Variants in NRG1 observed in about 807,000 individuals in gnomAD.
NRG1 encodes pro-neuregulin-1, membrane-bound isoform.
NRG1 carries 18 observed loss-of-function variants against 63.8 expected under a neutral mutation model. That is an observed-to-expected ratio of 0.28 (90% CI 0.19 to 0.42). NRG1 has a LOEUF of 0.42. Ranked by LOEUF, NRG1 falls within the 10% of genes least tolerant of loss-of-function variation. The pLI is 1.00. For synonymous variants in NRG1, 302 were observed against 301.3 expected (o/e 1.00, Z -0.02); for missense variants, 762 against 814.7 (o/e 0.94, Z 0.79).
intron 1 of NRG1, among the ~76,000 whole-genome samples, chr8:32,001,401 C>T (rs1435142102): frequency 6.6e-6 from 1 of 152,010 alleles, no homozygotes; most frequent in Non-Finnish European, 1.5e-5. Context: ...CCCCCTTTGC[C>T]TTCTGCCATG....
intron 1 of NRG1, among the ~76,000 whole-genome samples, chr8:32,191,390 A>C (rs576470665): frequency 6.6e-6 from 1 of 152,250 alleles, no homozygotes; most frequent in East Asian, 1.9e-4. Context: ...CAAAGTTATT[A>C]GATCTTCTGT....
At chr8:31,692,563 T>A (rs1473380325) in intron 1 of NRG1, among the ~76,000 whole-genome samples, 1 of 152,168 alleles carries the variant, frequency 6.6e-6, no homozygotes, top group Non-Finnish European at 1.5e-5. Flanking sequence ...GAGAAGAATT[T>A]ATAAAAGAAT....
intron 1 of NRG1, among the ~76,000 whole-genome samples, chr8:32,529,359 C>T (rs1831209192): frequency 1.3e-5 from 2 of 151,658 alleles, no homozygotes; most frequent in Non-Finnish European, 2.9e-5. Flanking sequence ...CCGTGAAGGC[C>T]CAGGACATTA....
chr8:32,297,626 GAGTACAGCCA>G (rs1855048833), intron 1 of NRG1, among the ~76,000 whole-genome samples: 2 of 152,144 alleles, frequency 1.3e-5, no homozygotes, highest in Non-Finnish European at 2.9e-5. Context: ...TATCTTAGTT[GAGTACAGCCA>G]AGTACAAACC....
At chr8:32,051,229 A>G (rs191195717) in intron 1 of NRG1, among the ~76,000 whole-genome samples, 1 of 152,272 alleles carries the variant, frequency 6.6e-6, no homozygotes, top group East Asian at 1.9e-4. Flanking sequence ...TATTTAAAAT[A>G]CGTCTTGACT....
intron 1 of NRG1, among the ~76,000 whole-genome samples, chr8:31,930,839 C>T (rs946031290): frequency 6.6e-6 from 1 of 152,132 alleles, no homozygotes; most frequent in Admixed American, 6.5e-5. Context: ...AATGAAGAAT[C>T]ATCTGTAGCA....
intron 1 of NRG1, among the ~76,000 whole-genome samples, chr8:32,468,974 GGCAGAGTTTATCCTTCCACTA>G (rs570277909): frequency 3.3e-5 from 5 of 152,238 alleles, no homozygotes; most frequent in African/African-American, 1.2e-4. Context: ...GAATAATGAA[GGCAGAGTTTATCCTTCCACTA>G]GCACAGCAGT....
chr8:32,157,136 C>A (rs1838188359), intron 1 of NRG1, among the ~76,000 whole-genome samples: 1 of 149,604 alleles, frequency 6.7e-6, no homozygotes, highest in African/African-American at 2.5e-5. Context: ...TTTGGGAAGC[C>A]AAGGCGGGCG....
intron 1 of NRG1, among the ~76,000 whole-genome samples, chr8:32,356,810 T>C (rs1395679830): frequency 2.0e-5 from 3 of 152,176 alleles, no homozygotes; most frequent in African/African-American, 7.2e-5. Context: ...CATTTCATCA[T>C]TGGGCAGAAT....
chr8:31,857,020 G>C (rs1304495352), intron 1 of NRG1, among the ~76,000 whole-genome samples: 20 of 152,206 alleles, frequency 1.3e-4, no homozygotes, highest in Admixed American at 1.3e-3. Flanking sequence ...CTTCAAAGCT[G>C]TCAGACAGGG....
At chr8:32,048,682 T>G (rs1219102916) in intron 1 of NRG1, among the ~76,000 whole-genome samples, 2 of 151,776 alleles carry the variant, frequency 1.3e-5, no homozygotes, top group African/African-American at 4.8e-5. Flanking sequence ...TGAGGTGATA[T>G]CGCATTGTGA....
At chr8:31,981,321 T>C (rs1563644328) in intron 1 of NRG1, among the ~76,000 whole-genome samples, 1 of 152,032 alleles carries the variant, frequency 6.6e-6, no homozygotes, top group Non-Finnish European at 1.5e-5. Context: ...TCTTGTTTTT[T>C]TCCTAAAAAA....
chr8:31,969,110 T>C (rs1806858599), intron 1 of NRG1, among the ~76,000 whole-genome samples: 1 of 152,212 alleles, frequency 6.6e-6, no homozygotes, highest in Non-Finnish European at 1.5e-5. Context: ...TAATGACTTT[T>C]CCAGGAGTTT....
At chr8:31,828,535 C>G (rs373078160) in intron 1 of NRG1, among the ~76,000 whole-genome samples, 6 of 152,150 alleles carry the variant, frequency 3.9e-5, no homozygotes, top group African/African-American at 1.2e-4. Flanking sequence ...GATTGCATTT[C>G]CAGATGGTCT....
At chr8:31,699,940 A>G (rs1309730252) in intron 1 of NRG1, among the ~76,000 whole-genome samples, 3 of 152,112 alleles carry the variant, frequency 2.0e-5, no homozygotes, top group Non-Finnish European at 4.4e-5. Context: ...TGGAAGGTTT[A>G]TTTGGCTTTT....
intron 1 of NRG1, among the ~76,000 whole-genome samples, chr8:32,068,508 C>T (rs931672833): frequency 6.6e-6 from 1 of 152,070 alleles, no homozygotes; most frequent in African/African-American, 2.4e-5. Context: ...ACAAGCTAGT[C>T]TTAATTAGGA....
chr8:31,847,007 T>C (rs1188999669), intron 1 of NRG1, among the ~76,000 whole-genome samples: 1 of 152,224 alleles, frequency 6.6e-6, no homozygotes, highest in East Asian at 1.9e-4. Context: ...TATATTTTAT[T>C]CTCCTATGTG....
At chr8:31,827,789 T>C (rs1824713656) in intron 1 of NRG1, among the ~76,000 whole-genome samples, 1 of 152,210 alleles carries the variant, frequency 6.6e-6, no homozygotes, top group African/African-American at 2.4e-5. Flanking sequence ...TAGACAGAAT[T>C]GTGTGACCAT....
At chr8:32,500,710 AT>A (rs1827758752) in intron 1 of NRG1, among the ~76,000 whole-genome samples, 1 of 152,168 alleles carries the variant, frequency 6.6e-6, no homozygotes, top group Non-Finnish European at 1.5e-5. Flanking sequence ...TAAATATTTC[AT>A]TTTTGTTTAT....
Sources: gnomAD v4.1 joint callset for allele counts (sites outside exome capture counted in the v4.1 genomes callset) on GRCh38, gnomAD v4.1.1 for gene constraint, MANE v1.5 for transcripts, NCBI Gene and HGNC (gene_info 2026-07-23, HGNC 2026-07-21) for gene names.